ROR1: variants seen among roughly 807,000 people sequenced by gnomAD.
ROR1 encodes ROR family WNT receptor 1, also known as inactive tyrosine-protein kinase transmembrane receptor ROR1.
ROR1 carries 19 observed loss-of-function variants against 78.8 expected under a neutral mutation model. The observed-to-expected ratio is 0.24, with a 90% CI of 0.17 to 0.35. ROR1 has a LOEUF of 0.35. ROR1 is among the 10% of genes least tolerant of loss of function. The pLI is 1.00. For missense variants in ROR1, 917 were observed against 1,177.8 expected, an observed-to-expected ratio of 0.78 and a Z score of 3.24; for synonymous variants, 386 against 433.6, an observed-to-expected ratio of 0.89 and a Z score of 1.36.
At chr1:63,865,960 C>A (rs747269888) in intron 1 of ROR1, among the ~76,000 whole-genome samples, 20 of 152,104 alleles carry the variant, frequency 1.3e-4, no homozygotes, top group Non-Finnish European at 2.5e-4. Flanking sequence ...GAGAAAAAAA[C>A]CCAACAATCT....
intron 1 of ROR1, among the ~76,000 whole-genome samples, chr1:63,795,410 C>T (rs1644754391): frequency 6.6e-6 from 1 of 152,084 alleles, no homozygotes; most frequent in Non-Finnish European, 1.5e-5. Context: ...TTTTTCTTCC[C>T]TTGGAGGGTA....
chr1:63,859,815 T>G (rs1186269873), intron 1 of ROR1, among the ~76,000 whole-genome samples: 1 of 152,222 alleles, frequency 6.6e-6, no homozygotes, highest in East Asian at 1.9e-4. Flanking sequence ...GTGGACTAGC[T>G]CTGAGCTTCA....
intron 1 of ROR1, among the ~76,000 whole-genome samples, chr1:63,850,258 G>A (rs1041509564): frequency 3.3e-5 from 5 of 152,092 alleles, no homozygotes; most frequent in Non-Finnish European, 5.9e-5. Flanking sequence ...GTATGCTATT[G>A]TATGACCATT....
At chr1:64,068,995 A>G (rs926414529) in intron 4 of ROR1, among the ~76,000 whole-genome samples, 3 of 152,228 alleles carry the variant, frequency 2.0e-5, no homozygotes, top group African/African-American at 7.2e-5. Flanking sequence ...GCTAAATAAT[A>G]GCTAAAATAA....
intron 1 of ROR1, among the ~76,000 whole-genome samples, chr1:63,815,739 A>AC (rs1299768850): frequency 6.6e-6 from 1 of 151,370 alleles, no homozygotes; most frequent in Non-Finnish European, 1.5e-5. Flanking sequence ...AATTTGAGAG[A>AC]CCCCATCCCA....
At chr1:64,020,602 T>C (rs1258269975) in intron 2 of ROR1, among the ~76,000 whole-genome samples, 3 of 152,162 alleles carry the variant, frequency 2.0e-5, no homozygotes, top group Non-Finnish European at 4.4e-5. Flanking sequence ...ATCAGATCCA[T>C]CCTAGGTAGG....
chr1:63,965,416 T>A (rs1448023460), intron 1 of ROR1, among the ~76,000 whole-genome samples: 1 of 152,154 alleles, frequency 6.6e-6, no homozygotes, highest in Non-Finnish European at 1.5e-5. Flanking sequence ...CGTTGGAAAC[T>A]TTAGTAATAG....
chr1:63,925,649 A>G (rs1170499722), intron 1 of ROR1, among the ~76,000 whole-genome samples: 2 of 151,050 alleles, frequency 1.3e-5, no homozygotes, highest in East Asian at 1.9e-4. Flanking sequence ...AAGTTTTCCT[A>G]TTTCTCCACA....
chr1:63,980,545 T>G (rs1297438591), intron 1 of ROR1, among the ~76,000 whole-genome samples: 2 of 152,242 alleles, frequency 1.3e-5, no homozygotes, highest in South Asian at 2.1e-4. Context: ...ATACCTATCA[T>G]TAGCTAAACC....
intron 1 of ROR1, among the ~76,000 whole-genome samples, chr1:63,918,555 C>T (rs755301634): frequency 6.6e-6 from 1 of 152,216 alleles, no homozygotes; most frequent in Non-Finnish European, 1.5e-5. Flanking sequence ...AAGCTCTGTG[C>T]TCCCATTTGG....
rs551018656 is a variant in ROR1 at position 63,926,180 on chromosome 1, T to C, written c.92-83125T>C. On this transcript the variant is annotated intron_variant, in intron 1 of 8. Coordinates refer to ENST00000371079, the MANE Select transcript of ROR1 (RefSeq NM_005012.4). ...GTTTAAGTCTTTAATCCATCTTGAA[T>C]TGATTTTTGTATAAGGTGTAAGGAA... Among the ~76,000 whole-genome samples the C allele has an allele frequency of 6.3e-4, 95 of 151,218 alleles. 3 individuals are homozygous for C. The South Asian group carries it at 0.015, about 24-fold the overall frequency.
chr1:63,912,240 G>A (rs1645576692), intron 1 of ROR1, among the ~76,000 whole-genome samples: 2 of 150,852 alleles, frequency 1.3e-5, no homozygotes, highest in Non-Finnish European at 2.9e-5. Flanking sequence ...CAAGGCTGCA[G>A]CAAGCCATGA....
chr1:63,822,113 G>T (rs921932718), intron 1 of ROR1, among the ~76,000 whole-genome samples: 1 of 152,152 alleles, frequency 6.6e-6, no homozygotes, highest in Non-Finnish European at 1.5e-5. Context: ...ACTGTCCCAC[G>T]TGCCCAGCAC....
intron 1 of ROR1, among the ~76,000 whole-genome samples, chr1:63,994,091 T>A (rs1646317639): frequency 6.6e-6 from 1 of 152,176 alleles, no homozygotes; most frequent in South Asian, 2.1e-4. Flanking sequence ...TAACATTTTT[T>A]ATATTATCAG....
intron 4 of ROR1, among the ~76,000 whole-genome samples, chr1:64,054,402 G>A (rs908104127): frequency 2.6e-5 from 4 of 151,942 alleles, no homozygotes; most frequent in Non-Finnish European, 5.9e-5. Context: ...TCAGCCTCCC[G>A]AGTAGCTGGG....
intron 1 of ROR1, among the ~76,000 whole-genome samples, chr1:63,855,110 T>G (rs1645140326): frequency 6.6e-6 from 1 of 152,192 alleles, no homozygotes; most frequent in South Asian, 2.1e-4. Flanking sequence ...CTACTTTGGA[T>G]TATATGAAAA....
intron 1 of ROR1, among the ~76,000 whole-genome samples, chr1:63,846,118 A>ATGTGTG (rs71056009): frequency 2.2e-4 from 30 of 136,414 alleles, no homozygotes; most frequent in East Asian, 1.5e-3. Flanking sequence ...GAGAGAGAGA[A>ATGTGTG]TGTGTGTGTG....
At chr1:64,029,617 C>A (rs538218683) in intron 2 of ROR1, among the ~76,000 whole-genome samples, 3 of 152,188 alleles carry the variant, frequency 2.0e-5, no homozygotes, top group African/African-American at 7.2e-5. Context: ...TGGCCACTGG[C>A]GTCTTGCTCT....
At chr1:64,118,961 A>G (rs1648422644) in intron 4 of ROR1, among the ~76,000 whole-genome samples, 1 of 152,202 alleles carries the variant, frequency 6.6e-6, no homozygotes, top group Non-Finnish European at 1.5e-5. Flanking sequence ...TGACAGTATT[A>G]ATGAAACACT....
Sources: gnomAD v4.1 joint callset for allele counts (sites outside exome capture counted in the v4.1 genomes callset) on GRCh38, gnomAD v4.1.1 for gene constraint, MANE v1.5 for transcripts, NCBI Gene and HGNC (gene_info 2026-07-23, HGNC 2026-07-21) for gene names.